MDGA2: variants seen among roughly 807,000 people sequenced by gnomAD.
The protein encoded by MDGA2 is MAM domain-containing glycosylphosphatidylinositol anchor protein 2.
A neutral mutation model predicts 117.8 loss-of-function variants in MDGA2; 40 were observed. That is an observed-to-expected ratio of 0.34 (90% CI 0.26 to 0.44). MDGA2 has a LOEUF of 0.44. MDGA2 is among the 20% of genes least tolerant of loss of function. MDGA2 has a pLI of 1.00. For missense variants in MDGA2, 1,123 were observed against 1,250.6 expected (o/e 0.90, Z 1.54); for synonymous variants, 452 against 439.0 (o/e 1.03, Z -0.37).
intron 8 of MDGA2, chr14:46,996,606 A>C (rs1887302227): frequency 6.6e-6 from 1 of 152,624 alleles, no homozygotes; most frequent in Non-Finnish European, 1.5e-5. Flanking sequence ...AGATTTCTCA[A>C]ATCAATACTG....
chr14:47,494,072 C>T (rs1175543518), intron 1 of MDGA2, among the ~76,000 whole-genome samples: 1 of 152,164 alleles, frequency 6.6e-6, no homozygotes, highest in Non-Finnish European at 1.5e-5. Flanking sequence ...ATTCTCTTTA[C>T]TCTGCACTTC....
chr14:47,208,433 C>T (rs778414715), intron 3 of MDGA2, among the ~76,000 whole-genome samples: 2 of 151,584 alleles, frequency 1.3e-5, no homozygotes, highest in African/African-American at 2.4e-5. Context: ...CTTTAAAATA[C>T]GTGGGAAAAA....
chr14:47,051,209 G>T (rs913492337), intron 7 of MDGA2, among the ~76,000 whole-genome samples: 2 of 151,664 alleles, frequency 1.3e-5, no homozygotes, highest in Non-Finnish European at 2.9e-5. Flanking sequence ...TGCTTCTGGG[G>T]TCTATTTCCT....
At chr14:47,331,149 TTAAAGA>T (rs1202830735) in intron 1 of MDGA2, among the ~76,000 whole-genome samples, 3 of 148,430 alleles carry the variant, frequency 2.0e-5, no homozygotes, top group African/African-American at 7.4e-5. Context: ...AAAGTTAAGT[TTAAAGA>T]TAAATTCATA....
intron 1 of MDGA2, among the ~76,000 whole-genome samples, chr14:47,384,317 G>C (rs936465302): frequency 6.7e-6 from 1 of 149,884 alleles, no homozygotes; most frequent in Non-Finnish European, 1.5e-5. Context: ...TAGTATCCAG[G>C]GGACTCCAAT....
intron 6 of MDGA2, among the ~76,000 whole-genome samples, chr14:47,067,967 T>G (rs1890143803): frequency 6.6e-6 from 1 of 152,160 alleles, no homozygotes; most frequent in South Asian, 2.1e-4. Flanking sequence ...CAATCTAGTC[T>G]GAATGGAAGT....
intron 3 of MDGA2, among the ~76,000 whole-genome samples, chr14:47,213,752 C>CT (rs55839315): frequency 4.0e-5 from 6 of 151,696 alleles, no homozygotes; most frequent in Admixed American, 6.6e-5. Context: ...CAGTATTTTC[C>CT]TTTTTTTTCT....
At chr14:47,369,189 A>C (rs985158093) in intron 1 of MDGA2, among the ~76,000 whole-genome samples, 1 of 152,134 alleles carries the variant, frequency 6.6e-6, no homozygotes, top group Non-Finnish European at 1.5e-5. Context: ...TATATCATTA[A>C]ATATTTCCAA....
chr14:46,921,374 C>T (rs563905574), intron 9 of MDGA2, among the ~76,000 whole-genome samples: 4 of 151,468 alleles, frequency 2.6e-5, no homozygotes, highest in Non-Finnish European at 4.4e-5. Context: ...CAGAGGTGCT[C>T]GGATCTCTTG....
chr14:47,015,843 A>C (rs1888065136), intron 8 of MDGA2, among the ~76,000 whole-genome samples: 1 of 152,078 alleles, frequency 6.6e-6, no homozygotes, highest in African/African-American at 2.4e-5. Flanking sequence ...AAACCCCCAA[A>C]ATGCAGAATT....
intron 1 of MDGA2, among the ~76,000 whole-genome samples, chr14:47,446,791 A>G (rs1452163272): frequency 6.6e-6 from 1 of 152,082 alleles, no homozygotes; most frequent in Non-Finnish European, 1.5e-5. Context: ...AAAAAAAGTA[A>G]AAGACAGGGT....
chr14:46,932,051 T>C (rs1272967294), intron 9 of MDGA2, among the ~76,000 whole-genome samples: 1 of 152,142 alleles, frequency 6.6e-6, no homozygotes, highest in Non-Finnish European at 1.5e-5. Flanking sequence ...AGCTTTATGT[T>C]TTTTACAGTA....
intron 1 of MDGA2, among the ~76,000 whole-genome samples, chr14:47,474,470 A>T (rs10142326): frequency 0.46 from 69,372 of 151,814 alleles, 16,059 homozygotes; most frequent in East Asian, 0.61. Context: ...TCCCAGAATT[A>T]GAAAAAAAAA....
chr14:47,039,898 T>G lies in MDGA2; in HGVS notation c.1526-4594A>C, dbSNP rs560871639. On this transcript the variant is annotated intron_variant, in intron 7 of 16. Transcript: ENST00000399232. Reference sequence around the variant, plus strand: ...ATATATTAAATAACTACATATTAGCTCTCTTGGCTCTCTCTCACACACACA... The same window carrying G: ...ATATATTAAATAACTACATATTAGCGCTCTTGGCTCTCTCTCACACACACA... Among the ~76,000 whole-genome samples the G allele has an allele frequency of 2.7e-5, 4 of 150,324 alleles. 1 individual carries two copies. The highest frequency in any genetic ancestry group is 9.9e-5 in the African/African-American group (4 of 40,378).
intron 2 of MDGA2, among the ~76,000 whole-genome samples, chr14:47,246,975 T>C (rs1887261364): frequency 6.6e-6 from 1 of 151,846 alleles, no homozygotes. Context: ...AAGTTACTGC[T>C]ATATTGTGCG....
At chr14:47,285,909 A>G (rs1486622198) in intron 2 of MDGA2, among the ~76,000 whole-genome samples, 1 of 152,128 alleles carries the variant, frequency 6.6e-6, no homozygotes, top group Non-Finnish European at 1.5e-5. Context: ...TGGAGACATT[A>G]GATTTTAAAA....
At chr14:47,006,506 G>A (rs1320958898) in intron 8 of MDGA2, among the ~76,000 whole-genome samples, 1 of 149,448 alleles carries the variant, frequency 6.7e-6, no homozygotes, top group Non-Finnish European at 1.5e-5. Flanking sequence ...CAGAATTCCA[G>A]TTTGAATATA....
At chr14:47,417,621 CTT>C (rs1396672647) in intron 1 of MDGA2, among the ~76,000 whole-genome samples, 1 of 152,176 alleles carries the variant, frequency 6.6e-6, no homozygotes, top group Admixed American at 6.5e-5. Flanking sequence ...CACCTCAAAA[CTT>C]TTTCAGCCTC....
chr14:46,942,846 G>A (rs1049085804), intron 9 of MDGA2, among the ~76,000 whole-genome samples: 2 of 152,050 alleles, frequency 1.3e-5, no homozygotes, highest in African/African-American at 4.8e-5. Flanking sequence ...AAATGAAGCT[G>A]ATATTAAAGT....
Sources: allele counts gnomAD v4.1 joint callset (sites outside exome capture counted in the v4.1 genomes callset), GRCh38; gene constraint gnomAD v4.1.1; transcripts MANE v1.5; gene names NCBI Gene and HGNC (gene_info 2026-07-23, HGNC 2026-07-21).